Variants in MDGA2 observed in about 807,000 individuals in gnomAD.
MDGA2 encodes MAM domain-containing glycosylphosphatidylinositol anchor protein 2.
A neutral mutation model predicts 117.8 loss-of-function variants in MDGA2; 40 were observed. The ratio of observed to expected loss-of-function variants is 0.34; its 90% confidence interval spans 0.26 to 0.44. The LOEUF (loss-of-function observed/expected upper bound fraction) is 0.44, where lower values mean the gene tolerates loss of function less well. Among genes scored for constraint, MDGA2 ranks in the 20% least tolerant of loss-of-function variants. MDGA2 has a pLI of 1.00. For synonymous variants in MDGA2, 452 were observed against 439.0 expected, an observed-to-expected ratio of 1.03 and a Z score of -0.37; for missense variants, 1,123 against 1,250.6, an observed-to-expected ratio of 0.90 and a Z score of 1.54.
At position 47,097,116 on chromosome 14, in the gene MDGA2, C is replaced by T. The variant is rs765848693; in HGVS notation, c.933G>A (p.Pro311=). Residue 311 remains proline (P), a synonymous_variant, in exon 6 of 17, where the codon CCG becomes CCA. Transcript: ENST00000399232. ...GATCATCCACCAAGAGTTTAATTGA[C>T]GGTGATGCTAAAAGACATAAACAGA... is the stretch of plus-strand genomic sequence containing the variant. The part of the protein sequence containing the change: ...SFRLSNKTAS[P]SIKLLVDDPI... The T allele has an allele frequency of 4.3e-6, 7 of 1,611,818 alleles. No individual in the cohort carries two copies. The highest frequency in any genetic ancestry group is 3.3e-4 in the Middle Eastern group (2 of 6,048).
intron 2 of MDGA2, among the ~76,000 whole-genome samples, chr14:47,270,304 C>G (rs1215807525): frequency 7.2e-5 from 11 of 152,096 alleles, no homozygotes; most frequent in Admixed American, 2.6e-4. Context: ...TATGTGCAAT[C>G]CTGATTGTGT....
intron 2 of MDGA2, among the ~76,000 whole-genome samples, chr14:47,272,653 T>C (rs2139707350): frequency 6.6e-6 from 1 of 152,142 alleles, no homozygotes; most frequent in East Asian, 1.9e-4. Context: ...TACAGATAAT[T>C]TGACTATAGA....
chr14:47,513,624 AT>A (rs1473106987), intron 1 of MDGA2, among the ~76,000 whole-genome samples: 1 of 152,136 alleles, frequency 6.6e-6, no homozygotes, highest in Admixed American at 6.6e-5. Flanking sequence ...TAATAGCAGA[AT>A]CAATCACAAT....
chr14:47,300,132 T>C (rs1889226561), intron 2 of MDGA2, among the ~76,000 whole-genome samples: 1 of 152,208 alleles, frequency 6.6e-6, no homozygotes, highest in Non-Finnish European at 1.5e-5. Flanking sequence ...GAGTTAAGAA[T>C]GGCAGAAGTT....
intron 8 of MDGA2, among the ~76,000 whole-genome samples, chr14:46,962,480 A>G: frequency 6.6e-6 from 1 of 152,188 alleles, no homozygotes; most frequent in East Asian, 1.9e-4. Flanking sequence ...CCCTTGCCCA[A>G]AGATGCCATC....
intron 1 of MDGA2, among the ~76,000 whole-genome samples, chr14:47,635,701 C>G (rs1897310226): frequency 6.6e-6 from 1 of 152,058 alleles, no homozygotes; most frequent in Admixed American, 6.5e-5. Context: ...AAACAATTAA[C>G]CCCCCAAATT....
intron 1 of MDGA2, among the ~76,000 whole-genome samples, chr14:47,476,933 G>A (rs1163210276): frequency 2.6e-5 from 4 of 152,126 alleles, no homozygotes; most frequent in East Asian, 3.9e-4. Context: ...AGGCCGAGGC[G>A]GGTGTATCAC....
intron 1 of MDGA2, among the ~76,000 whole-genome samples, chr14:47,470,450 C>CT (rs1594873570): frequency 6.6e-6 from 1 of 152,054 alleles, no homozygotes; most frequent in Admixed American, 6.6e-5. Flanking sequence ...TGAACTCATC[C>CT]TTTTTTATGG....
chr14:47,597,845 T>TACAC (rs35221587), intron 1 of MDGA2, among the ~76,000 whole-genome samples: 4,174 of 141,312 alleles, frequency 0.03, 80 homozygotes, highest in East Asian at 0.064. Context: ...CACACACACA[T>TACAC]ACACACACAC....
chr14:47,410,986 C>T (rs112506097), intron 1 of MDGA2, among the ~76,000 whole-genome samples: 93 of 152,278 alleles, frequency 6.1e-4, no homozygotes, highest in African/African-American at 2.2e-3. Context: ...TGGATTGAAT[C>T]TGTGTCTTCT....
chr14:47,139,779 CACAA>C (rs1303672098), intron 4 of MDGA2, among the ~76,000 whole-genome samples: 1 of 134,244 alleles, frequency 7.4e-6, no homozygotes, highest in African/African-American at 2.8e-5. Context: ...CATATATACA[CACAA>C]ATATATATGT....
chr14:47,153,709 TA>T (rs201838648), intron 3 of MDGA2, among the ~76,000 whole-genome samples: 2,098 of 68,462 alleles, frequency 0.031, 16 homozygotes, highest in Admixed American at 0.072. Context: ...AGAAAAGAAA[TA>T]AAAAAAAAAA....
chr14:47,340,507 T>C (rs762189263), intron 1 of MDGA2, among the ~76,000 whole-genome samples: 23 of 152,300 alleles, frequency 1.5e-4, no homozygotes, highest in Middle Eastern at 3.4e-3. Flanking sequence ...CTGGAGAATC[T>C]ATCTCAATCA....
At chr14:47,297,625 C>A (rs1396819007) in intron 2 of MDGA2, among the ~76,000 whole-genome samples, 1 of 152,080 alleles carries the variant, frequency 6.6e-6, no homozygotes, top group Non-Finnish European at 1.5e-5. Flanking sequence ...TACTGGCAAA[C>A]CCTTACTTTC....
At chr14:46,944,350 A>G (rs1387190239) in intron 9 of MDGA2, among the ~76,000 whole-genome samples, 1 of 151,982 alleles carries the variant, frequency 6.6e-6, no homozygotes, top group Admixed American at 6.6e-5. Context: ...CATACATATC[A>G]TCAGAATATC....
chr14:46,909,731 C>T (rs1883628821), intron 10 of MDGA2, among the ~76,000 whole-genome samples: 1 of 152,006 alleles, frequency 6.6e-6, no homozygotes, highest in Non-Finnish European at 1.5e-5. Flanking sequence ...CATTGCAGTA[C>T]CTTATATTAT....
intron 3 of MDGA2, among the ~76,000 whole-genome samples, chr14:47,207,899 G>C (rs1885744882): frequency 6.6e-6 from 1 of 151,908 alleles, no homozygotes; most frequent in African/African-American, 2.4e-5. Flanking sequence ...AGTATTTCAT[G>C]GATCAATCAC....
At chr14:47,552,982 C>T (rs1468227194) in intron 1 of MDGA2, among the ~76,000 whole-genome samples, 1 of 152,198 alleles carries the variant, frequency 6.6e-6, no homozygotes, top group East Asian at 1.9e-4. Context: ...ATTACCCTCT[C>T]AGGAAGACTT....
chr14:46,958,153 A>C (rs1885638972), intron 8 of MDGA2, among the ~76,000 whole-genome samples: 1 of 152,220 alleles, frequency 6.6e-6, no homozygotes, highest in African/African-American at 2.4e-5. Flanking sequence ...TGACACTATG[A>C]GAGTTGACCA....
Sources: allele counts gnomAD v4.1 joint callset (sites outside exome capture counted in the v4.1 genomes callset), GRCh38; gene constraint gnomAD v4.1.1; transcripts MANE v1.5; gene names NCBI Gene and HGNC (gene_info 2026-07-23, HGNC 2026-07-21).